Variants in CNTN2 observed in about 807,000 individuals in gnomAD.
CNTN2 encodes contactin 2.
In CNTN2, 53 loss-of-function variants were observed where a neutral mutation model predicts 117.5. The ratio of observed to expected loss-of-function variants is 0.45; its 90% CI spans 0.36 to 0.57. The LOEUF (loss-of-function observed/expected upper bound fraction) is 0.57, where lower values mean the gene tolerates loss of function less well. Ranked by LOEUF, CNTN2 falls within the 20% of genes least tolerant of loss-of-function variation. The pLI is 0.00. For synonymous variants in CNTN2, 530 were observed against 561.7 expected (o/e 0.94, Z 0.80); for missense variants, 1,106 against 1,404.3 (o/e 0.79, Z 3.39).
chr1:205,052,460 T>C (rs779465151), intron 1 of CNTN2, among the ~76,000 whole-genome samples: 10 of 152,208 alleles, frequency 6.6e-5, no homozygotes, highest in South Asian at 4.1e-4. Context: ...CTCTGGGAGA[T>C]GCATTAACTC....
chr1:205,072,634 C>G (rs758175602), intron 21 of CNTN2, 39 bp downstream of exon 21: 1 of 1,459,616 alleles, frequency 6.9e-7, no homozygotes, highest in Non-Finnish European at 9.6e-7. Flanking sequence ...TGGGAAGGAA[C>G]AGCTCCTCTG....
intron 7 of CNTN2, chr1:205,060,920 G>A: frequency 3.6e-6 from 1 of 274,468 alleles, no homozygotes; most frequent in Non-Finnish European, 6.8e-6. Context: ...GTGGCGGAGG[G>A]CAGACCCAGA....
At chr1:205,056,194 A>T (rs1276509357) in intron 2 of CNTN2, among the ~76,000 whole-genome samples, 1 of 152,094 alleles carries the variant, frequency 6.6e-6, no homozygotes, top group African/African-American at 2.4e-5. Flanking sequence ...CCCTGAGCCC[A>T]CTCAGCCACC....
At position 205,067,144 on chromosome 1, in the gene CNTN2, G is replaced by T. The variant is rs776431413; in HGVS notation, c.2019G>T (p.Leu673=). The T allele has an allele frequency of 2.7e-5, 43 of 1,613,894 alleles. No homozygotes were observed. The Admixed American group carries it at 2.8e-4, about 11-fold the overall frequency. The change falls in exon 16 of 23, where the codon CTG becomes CTT. Residue 673 remains leucine, a synonymous_variant. Transcript: ENST00000331830. ...GCAATGCCGAGACTGCACAGGTGCT[G>T]GGCCTCACCCCCTGGATGGACTATG... is the stretch of plus-strand genomic sequence containing the variant. ...IEGNAETAQV[L]GLTPWMDYEF... is the part of the protein sequence containing the mutation.
intron 12 of CNTN2, 89 bp from the exon 13 acceptor site, chr1:205,064,998 T>C: frequency 6.9e-7 from 1 of 1,444,782 alleles, no homozygotes; most frequent in Non-Finnish European, 9.5e-7. Context: ...TTGCTGGGCC[T>C]TAGGACAGAG....
At position 205,067,300 on chromosome 1, in the gene CNTN2, G is replaced by A. The variant is rs777741284; in HGVS notation, c.2125+50G>A. 2.5e-6 allele frequency: 4 copies of A among 1,579,140 alleles called. No homozygotes were observed. The South Asian group carries it at 3.5e-5, about 14-fold the overall frequency. On this transcript the variant is annotated intron_variant, in intron 16 of 22. Transcript: ENST00000331830. ...AGCTATCATCAGGGCAGAGACCCTG[G>A]CACCACTTATAGGGAATGCCAAGCC... is the stretch of plus-strand genomic sequence containing the variant.
intron 10 of CNTN2, 25 bp from the exon 11 acceptor site, chr1:205,064,297 C>A: frequency 6.5e-7 from 1 of 1,536,148 alleles, no homozygotes; most frequent in South Asian, 1.2e-5. Context: ...GTACTTTTCT[C>A]TGTGGCTCTC....
chr1:205,043,824 G>A (rs1458673415), intron 1 of CNTN2, among the ~76,000 whole-genome samples: 8 of 152,196 alleles, frequency 5.3e-5, no homozygotes, highest in Admixed American at 5.2e-4. Context: ...GAATTGAGCC[G>A]GAGTCCCCAG....
chr1:205,048,157 C>T lies in CNTN2; in HGVS notation c.-87+4763C>T, dbSNP rs1012995553. Among the ~76,000 whole-genome samples the T allele has an allele frequency of 5.3e-5, 8 of 152,178 alleles. No individual in the cohort carries two copies. Among genetic ancestry groups the T allele is most frequent in the Admixed American group, 2.0e-4 (3 of 15,280 alleles). ...ACTCCCCTTTGCTACCACCATCCATCGGAAGTTGCCAAATCTCTCATTGCT... is the reference window on the plus strand; with the variant it reads ...ACTCCCCTTTGCTACCACCATCCATTGGAAGTTGCCAAATCTCTCATTGCT... On this transcript the variant is annotated intron_variant, in intron 1 of 22. Transcript: ENST00000331830. This position sits in a 1 kb window ranked among gnomAD's most constrained non-coding sequence, Gnocchi z 4.1.
chr1:205,055,405 G>C (rs2096459415), intron 2 of CNTN2, among the ~76,000 whole-genome samples: 1 of 152,156 alleles, frequency 6.6e-6, no homozygotes, highest in Non-Finnish European at 1.5e-5. Context: ...GGGTGTCTGT[G>C]GATATGGATG....
Position 205,066,593 on chromosome 1 carries a change from C to T in CNTN2, c.1969C>T (p.Arg657Trp), listed in dbSNP as rs2305276. The T allele has an allele frequency of 3.1e-4, 504 of 1,613,872 alleles. 6 individuals carry two copies. The East Asian group carries it at 9.3e-3, about 30-fold the overall frequency. Residue 657 changes from arginine (R) to tryptophan (W), a missense_variant, in exon 15 of 23, where the codon CGG (arginine) becomes TGG (tryptophan). Physicochemically the swap from Arg to Trp is moderately radical, Grantham distance 101 (BLOSUM62 -3). Transcript: ENST00000331830. ...TPPAGKWKQV[R>W]TNPANIEGNA... is the part of the protein sequence containing the mutation. ...ACCTGCAGGGAAGTGGAAGCAGGTT[C>T]GGACCAGTAAGTGTGAGCCCCACCT...
intron 2 of CNTN2, among the ~76,000 whole-genome samples, chr1:205,056,139 G>C (rs549890077): frequency 1.3e-5 from 2 of 152,168 alleles, no homozygotes; most frequent in Non-Finnish European, 2.9e-5. Flanking sequence ...TGAGAGCAGA[G>C]GAGAAAGGTT....
In CNTN2 at chr1:205,062,577, G is replaced by C. The variant is rs773641285; in HGVS notation, c.1240+8G>C. ...CCGAGCTAGCCGTGCAAGGTAAGGG[G>C]CCCAGGGAGGCAGGGGACATCCCAA... On this transcript the variant is annotated splice_region_variant and intron_variant, in intron 10 of 22. Transcript: ENST00000331830. 1 of 1,609,878 alleles carries C rather than the reference G, an allele frequency of 6.2e-7. No individual in the cohort carries two copies. The highest frequency in any genetic ancestry group is 8.5e-7 in the Non-Finnish European group (1 of 1,177,928).
In CNTN2 at chr1:205,067,182, T is replaced by G; in HGVS notation, c.2057T>G (p.Ile686Arg). ...TPWMDYEFRV[I>R]ASNILGTGEP... ...TGGATGGACTATGAGTTCCGGGTCATAGCCAGCAACATTCTGGGCACTGGG... is the reference window on the plus strand; with the variant it reads ...TGGATGGACTATGAGTTCCGGGTCAGAGCCAGCAACATTCTGGGCACTGGG... The change falls in exon 16 of 23, where the codon ATA becomes AGA. Residue 686 changes from isoleucine (I) to arginine (R), a missense_variant. By Grantham distance (97) the Ile-to-Arg change is moderately conservative. Transcript: ENST00000331830. 1 of 1,614,116 alleles carries G rather than the reference T, an allele frequency of 6.2e-7. No homozygotes were observed. Among genetic ancestry groups the G allele is most frequent in the Non-Finnish European group, 8.5e-7 (1 of 1,179,998 alleles).
chr1:205,064,757 G>T lies in CNTN2; in HGVS notation c.1519+7G>T, dbSNP rs1346328506. ...GGAATCCTATCTGTGCGAGGTGAGGGCTGCCATGTGGGTAGGCCGGGGGCT... is the reference window on the plus strand; with the variant it reads ...GGAATCCTATCTGTGCGAGGTGAGGTCTGCCATGTGGGTAGGCCGGGGGCT... On this transcript the variant is annotated splice_region_variant and intron_variant, in intron 12 of 22. Coordinates refer to ENST00000331830, the MANE Select transcript of CNTN2 (RefSeq NM_005076.5). 1.2e-6 allele frequency: 2 copies of T among 1,613,626 alleles called. No individual in the cohort carries two copies. Among genetic ancestry groups the T allele is most frequent in the East Asian group, 2.2e-5 (1 of 44,882 alleles).
Position 205,072,076 on chromosome 1 carries a change from A to T in CNTN2, c.2674A>T (p.Asn892Tyr). Residue 892 changes from asparagine (N) to tyrosine (Y), a missense_variant, in exon 20 of 23, where the codon AAC becomes TAC. Physicochemically the swap from Asn to Tyr is moderately radical, Grantham distance 143. Transcript: ENST00000331830. ...GTACCATGTGACCGTGAGGGCCTACAACCGGGCTGGCACTGGGCCTGCCAG... is the reference window on the plus strand; with the variant it reads ...GTACCATGTGACCGTGAGGGCCTACTACCGGGCTGGCACTGGGCCTGCCAG... ...TKYHVTVRAY[N>Y]RAGTGPASPS... The T allele has an allele frequency of 6.2e-7, 1 of 1,614,040 alleles. No homozygotes were observed. The highest frequency in any genetic ancestry group is 8.5e-7 in the Non-Finnish European group (1 of 1,180,022).
At chr1:205,072,261 C>A in intron 20 of CNTN2, 128 bp downstream of exon 20, 1 of 1,017,438 alleles carries the variant, frequency 9.8e-7, no homozygotes, top group Non-Finnish European at 1.4e-6. Context: ...AGAAATTAGG[C>A]AGCGAGCCTA....
intron 1 of CNTN2, among the ~76,000 whole-genome samples, chr1:205,049,281 GAC>G (rs3835569): frequency 0.34 from 40,418 of 120,170 alleles, 7,560 homozygotes; most frequent in Non-Finnish European, 0.48. Flanking sequence ...CCTCACACCC[GAC>G]ACACACACAC....
Position 205,061,777 on chromosome 1 carries a change from G to A in CNTN2, c.974-88G>A. On this transcript the variant is annotated intron_variant, in intron 8 of 22. Coordinates refer to ENST00000331830, the MANE Select transcript of CNTN2 (RefSeq NM_005076.5). The surrounding 1 kb of genome is among the most constrained non-coding windows in gnomAD (Gnocchi z 4.8). ...ATGGCGCCCTCTGCTGTCTGGCACA[G>A]GTGCTGCTGCCCTGATTTTCTGTTC... 1 of 1,457,498 alleles carries A rather than the reference G, an allele frequency of 6.9e-7. No individual in the cohort carries two copies. The highest frequency in any genetic ancestry group is 9.1e-7 in the Non-Finnish European group (1 of 1,094,496). The allele number at this position is 1,457,498 out of a possible 1,614,324, so 90.3% of individuals were successfully genotyped here. A position where few individuals can be genotyped will look rare whatever the true frequency, so the allele number is the denominator to read the frequency against.
Sources: allele counts gnomAD v4.1 joint callset (sites outside exome capture counted in the v4.1 genomes callset), GRCh38; gene constraint gnomAD v4.1.1; non-coding constraint Gnocchi (gnomAD v3.1); transcripts MANE v1.5; gene names NCBI Gene and HGNC (gene_info 2026-07-23, HGNC 2026-07-21).